The following OTUD4 variants were observed in gnomAD, a reference collection of about 807,000 sequenced individuals.
The protein encoded by OTUD4 is OTU domain-containing protein 4.
OTUD4 carries 24 observed loss-of-function variants against 130.4 expected under a neutral mutation model. That is an observed-to-expected ratio of 0.18 (90% CI 0.13 to 0.26). The LOEUF (loss-of-function observed/expected upper bound fraction) is 0.26. Among genes scored for constraint, OTUD4 ranks in the 10% least tolerant of loss-of-function variants. The probability of loss-of-function intolerance (pLI) is 1.00; values close to 1 mark genes in which losing one functional copy is unlikely to be tolerated. For missense variants in OTUD4, 1,031 were observed against 1,329.4 expected (o/e 0.78, Z 3.49); for synonymous variants, 420 against 472.5 (o/e 0.89, Z 1.44).
chr4:145,151,473 A>T (rs965543335), intron 11 of OTUD4, among the ~76,000 whole-genome samples: 8 of 152,112 alleles, frequency 5.3e-5, no homozygotes, highest in Non-Finnish European at 1.2e-4. Flanking sequence ...ATCTCTACTA[A>T]AAACAGAAAA....
intron 3 of OTUD4, among the ~76,000 whole-genome samples, chr4:145,166,732 T>G (rs1751895762): frequency 6.6e-6 from 1 of 152,140 alleles, no homozygotes; most frequent in African/African-American, 2.4e-5. Flanking sequence ...TCCCAGCTAC[T>G]CGGGGGCTGA....
At chr4:145,155,716 C>T in intron 8 of OTUD4, 30 bp from the exon 9 acceptor site, 2 of 1,379,656 alleles carry the variant, frequency 1.4e-6, no homozygotes, top group South Asian at 1.3e-5. Context: ...CCAATCAACA[C>T]ATAAGTGCTT....
intron 6 of OTUD4, among the ~76,000 whole-genome samples, 170 bp downstream of exon 6, chr4:145,162,470 T>C (rs1040318678): frequency 4.0e-5 from 6 of 151,888 alleles, no homozygotes; most frequent in Admixed American, 6.6e-5. Context: ...AGGAGTGGCA[T>C]GAACCCCGGA....
chr4:145,173,585 T>C (rs1380843436), intron 2 of OTUD4, among the ~76,000 whole-genome samples: 1 of 152,186 alleles, frequency 6.6e-6, no homozygotes, highest in East Asian at 1.9e-4. Context: ...ACCACACCTC[T>C]GCACTCTCTT....
intron 7 of OTUD4, among the ~76,000 whole-genome samples, chr4:145,158,550 A>G (rs1035402565): frequency 6.6e-6 from 1 of 152,264 alleles, no homozygotes; most frequent in Middle Eastern, 3.4e-3. Flanking sequence ...ATATATTTTT[A>G]AAGTTATTTT....
chr4:145,148,494 C>T (rs372257844), intron 13 of OTUD4, among the ~76,000 whole-genome samples: 4 of 148,200 alleles, frequency 2.7e-5, no homozygotes, highest in South Asian at 2.1e-4. Context: ...AGTGAAACTC[C>T]GTCTCAAAAA....
chr4:145,140,534 GAT>G (rs1274505541), intron 19 of OTUD4, among the ~76,000 whole-genome samples: 2 of 152,018 alleles, frequency 1.3e-5, no homozygotes, highest in Non-Finnish European at 2.9e-5. Flanking sequence ...CAAATTTACA[GAT>G]ATAAAATTTT....
intron 13 of OTUD4, among the ~76,000 whole-genome samples, chr4:145,147,494 C>T (rs1750880053): frequency 1.3e-5 from 2 of 152,106 alleles, no homozygotes; most frequent in Non-Finnish European, 2.9e-5. Flanking sequence ...ACCTTATCAC[C>T]ATCTCCTATC....
chr4:145,172,154 G>A (rs1360263832), intron 2 of OTUD4, among the ~76,000 whole-genome samples: 1 of 152,232 alleles, frequency 6.6e-6, no homozygotes, highest in Non-Finnish European at 1.5e-5. Context: ...TGTTTACAGA[G>A]GGCCTTGAGC....
Position 145,141,435 on chromosome 4 carries a change from T to C in OTUD4, c.2027A>G (p.Asp676Gly). Residue 676 changes from aspartate to glycine, a missense_variant, in exon 19 of 21, where the codon GAT (aspartate) becomes GGT (glycine). By Grantham distance (94) the Asp-to-Gly change is moderately conservative. Coordinates refer to ENST00000447906, the MANE Select transcript of OTUD4 (RefSeq NM_001366057.1). ...TGAATAAGGTGGTACAATGGCTCGA[T>C]CTCCCTTTTCATTACAAGGAAACCC... ...YPGFPCNEKGDRAIVPPYSLC... is the reference protein window; with the variant it reads ...YPGFPCNEKGGRAIVPPYSLC... 1 of 1,613,752 alleles carries C rather than the reference T, an allele frequency of 6.2e-7. No homozygotes were observed. Among genetic ancestry groups the C allele is most frequent in the Non-Finnish European group, 8.5e-7 (1 of 1,179,766 alleles).
chr4:145,170,300 T>G (rs1310345243), intron 3 of OTUD4, among the ~76,000 whole-genome samples: 1 of 152,250 alleles, frequency 6.6e-6, no homozygotes, highest in African/African-American at 2.4e-5. Context: ...TCCCACAGTC[T>G]GGCCCCAACC....
chr4:145,154,594 C>G (rs1245419825), intron 10 of OTUD4, among the ~76,000 whole-genome samples: 1 of 151,758 alleles, frequency 6.6e-6, no homozygotes, highest in Admixed American at 6.6e-5. Flanking sequence ...AGTATTTTTC[C>G]ACAAATGAAG....
intron 6 of OTUD4, among the ~76,000 whole-genome samples, chr4:145,161,337 G>A (rs1751554109): frequency 6.6e-6 from 1 of 152,204 alleles, no homozygotes; most frequent in Non-Finnish European, 1.5e-5. Flanking sequence ...CTAGCTAGGA[G>A]GGAGAAGACA....
At position 145,167,109 on chromosome 4, in the gene OTUD4, T is replaced by C. The variant is rs529630832; in HGVS notation, c.295-1912A>G. On this transcript the variant is annotated intron_variant, in intron 3 of 20. Transcript: ENST00000447906. ...AGGAAAAATGAAGAATTTTCACCCT[T>C]TATTCTATAATACATCTATATTTTA... Among the ~76,000 whole-genome samples, 13 of 152,300 alleles carry C rather than the reference T, an allele frequency of 8.5e-5. No individual in the cohort carries two copies. The South Asian group carries it at 2.7e-3, about 32-fold the overall frequency.
At chr4:145,158,736 T>C (rs1429530716) in intron 7 of OTUD4, among the ~76,000 whole-genome samples, 2 of 152,140 alleles carry the variant, frequency 1.3e-5, no homozygotes, top group Non-Finnish European at 1.5e-5. Context: ...CATCCTAATA[T>C]AACTGATAAC....
rs1181187952 is a variant in OTUD4, at chr4:145,134,855, T to G, written c.*2575A>C. ...AAAAACAGGTGAGCTTTGGTCAGTC[T>G]GTTCTTCAAAATATGTATGATCATA... On this transcript the variant is annotated 3_prime_UTR_variant, in exon 21 of 21. Transcript: ENST00000447906. 5.0e-6 allele frequency: 2 copies of G among 398,882 alleles called. No homozygotes were observed. The highest frequency in any genetic ancestry group is 1.3e-4 in the South Asian group (1 of 7,864). The allele number at this position is 398,882 out of a possible 1,614,324, so 24.7% of individuals were successfully genotyped here.
chr4:145,143,800 C>A, intron 16 of OTUD4, 146 bp downstream of exon 16: 1 of 640,288 alleles, frequency 1.6e-6, no homozygotes, highest in Admixed American at 2.8e-5. Flanking sequence ...ACTTCTCAAT[C>A]CCCATCATCT....
At chr4:145,176,958 G>C (rs1436027841) in intron 1 of OTUD4, among the ~76,000 whole-genome samples, 3 of 152,192 alleles carry the variant, frequency 2.0e-5, no homozygotes, top group African/African-American at 7.2e-5. Flanking sequence ...CAGTTTAACT[G>C]ATTCTACCTT....
intron 15 of OTUD4, 108 bp downstream of exon 15, chr4:145,144,203 G>A (rs1750715030): frequency 8.0e-7 from 1 of 1,255,172 alleles, no homozygotes; most frequent in Non-Finnish European, 1.1e-6. Flanking sequence ...TGTGACATTA[G>A]ATAAACTACT....
Sources: gnomAD v4.1 joint callset for allele counts (sites outside exome capture counted in the v4.1 genomes callset) on GRCh38, gnomAD v4.1.1 for gene constraint, MANE v1.5 for transcripts, NCBI Gene and HGNC (gene_info 2026-07-23, HGNC 2026-07-21) for gene names.